The following SLC30A6 variants were observed in gnomAD, a reference collection of about 807,000 sequenced individuals.
The protein encoded by SLC30A6 is solute carrier family 30 member 6.
A neutral mutation model predicts 63.0 loss-of-function variants in SLC30A6; 55 were observed. The ratio of observed to expected loss-of-function variants is 0.87; its 90% CI spans 0.70 to 1.09. SLC30A6 has a LOEUF of 1.09. Ranked by LOEUF, SLC30A6 falls within the 50% of genes least tolerant of loss-of-function variation. The probability of loss-of-function intolerance (pLI) is 0.00; values close to 1 mark genes in which losing one functional copy is unlikely to be tolerated. For missense variants in SLC30A6, 587 were observed against 549.2 expected, an observed-to-expected ratio of 1.07 and a Z score of -0.69; for synonymous variants, 224 against 186.1, an observed-to-expected ratio of 1.20 and a Z score of -1.66.
At chr2:32,169,456 C>T (rs1449257218) in intron 1 of SLC30A6, among the ~76,000 whole-genome samples, 1 of 152,114 alleles carries the variant, frequency 6.6e-6, no homozygotes, top group Non-Finnish European at 1.5e-5. Flanking sequence ...GAATTACAGG[C>T]ATGAGCCACC....
At chr2:32,203,195 T>C in intron 10 of SLC30A6, 2 of 1,167,378 alleles carry the variant, frequency 1.7e-6, no homozygotes, top group Non-Finnish European at 2.6e-6. Context: ...ATGGTTCTCC[T>C]CCTCAGGATG....
chr2:32,178,722 G>A (rs990446489), intron 4 of SLC30A6, among the ~76,000 whole-genome samples: 7 of 152,172 alleles, frequency 4.6e-5, no homozygotes, highest in Non-Finnish European at 8.8e-5. Context: ...CTGTAACTGT[G>A]AATGTTTATT....
Position 32,211,930 on chromosome 2 carries a change from G to A in SLC30A6, c.885+2369G>A, listed in dbSNP as rs1191329495. 2.8e-4 allele frequency among the ~76,000 whole-genome samples: 42 copies of A among 152,012 alleles called. 1 individual carries two copies. The highest frequency in any genetic ancestry group is 2.6e-3 in the Admixed American group (39 of 15,246). ...CTACTGCGCTCGGCCCACAGTGCAC[G>A]CTTTTGATAATGCTGTTTCAAAAAT... On this transcript the variant is annotated intron_variant, in intron 13 of 13. Transcript: ENST00000282587.
intron 10 of SLC30A6, among the ~76,000 whole-genome samples, chr2:32,200,834 G>GAA (rs59434197): frequency 0.014 from 2,110 of 149,338 alleles, 19 homozygotes; most frequent in South Asian, 0.026. Flanking sequence ...GATCAATAAA[G>GAA]AAAAAAATAA....
At chr2:32,209,617 T>A in intron 13 of SLC30A6, 56 bp downstream of exon 13, 1 of 1,419,546 alleles carries the variant, frequency 7.0e-7, no homozygotes, top group Non-Finnish European at 9.7e-7. Context: ...CTTCCATTTT[T>A]AAAACTGAAA....
At chr2:32,199,641 TTTTA>T (rs1409063602) in intron 10 of SLC30A6, among the ~76,000 whole-genome samples, 1 of 152,158 alleles carries the variant, frequency 6.6e-6, no homozygotes, top group Non-Finnish European at 1.5e-5. Flanking sequence ...AAATAGTAGA[TTTTA>T]TTTATTCTAA....
intron 10 of SLC30A6, among the ~76,000 whole-genome samples, chr2:32,199,485 C>A (rs1198102551): frequency 6.6e-6 from 1 of 152,174 alleles, no homozygotes; most frequent in East Asian, 1.9e-4. Flanking sequence ...TTGATACAGG[C>A]ATACAGTGCA....
At chr2:32,192,482 G>A (rs141105971) in intron 6 of SLC30A6, 66 bp downstream of exon 6, 17 of 1,388,848 alleles carry the variant, frequency 1.2e-5, no homozygotes, top group South Asian at 4.9e-5. Flanking sequence ...AAAGAAACCC[G>A]TCAGACACAT....
Position 32,165,874 on chromosome 2 carries a change from C to G in SLC30A6, c.-27C>G, listed in dbSNP as rs764612536. On this transcript the variant is annotated 5_prime_UTR_variant, in exon 1 of 14. Transcript: ENST00000282587. The stretch of plus-strand genomic sequence containing the variant: ...AAAACTCGAGCACCCAGAACGGCTT[C>G]CGGCGGGAGCTGTGCAGCTCCTTAT... The G allele has an allele frequency of 3.1e-6, 5 of 1,613,522 alleles. No homozygotes were observed. Among genetic ancestry groups the G allele is most frequent in the Non-Finnish European group, 4.2e-6 (5 of 1,179,856 alleles).
chr2:32,207,692 A>ATTTTTT (rs34666891), intron 12 of SLC30A6, among the ~76,000 whole-genome samples: 1 of 54,440 alleles, frequency 1.8e-5, no homozygotes, highest in African/African-American at 7.9e-5. Flanking sequence ...TAACTTCTGT[A>ATTTTTT]TTTTTTTTTT....
chr2:32,187,719 A>G (rs192835734), intron 5 of SLC30A6, among the ~76,000 whole-genome samples: 86 of 152,298 alleles, frequency 5.6e-4, no homozygotes, highest in Admixed American at 2.2e-3. Flanking sequence ...TCAAAAACCT[A>G]TTCCTTTGTA....
chr2:32,206,747 C>T, intron 11 of SLC30A6, 139 bp from the exon 12 acceptor site: 2 of 601,524 alleles, frequency 3.3e-6, no homozygotes, highest in South Asian at 2.3e-5. Flanking sequence ...CAGTTGAAAC[C>T]TCTCTTCTCT....
At position 32,221,969 on chromosome 2, in the gene SLC30A6, T is replaced by G. The variant is rs146738330; in HGVS notation, c.*1256T>G. ...GGAGTTCCATACATAATATGGAATT[T>G]GATGTCTTTTCAAGTTGCACAAAGA... On this transcript the variant is annotated 3_prime_UTR_variant, in exon 14 of 14. Transcript: ENST00000282587. The G allele has an allele frequency of 6.6e-6, 1 of 152,188 alleles. No homozygotes were observed. Among genetic ancestry groups the G allele is most frequent in the East Asian group, 1.9e-4 (1 of 5,204 alleles). The allele number at this position is 152,188 out of a possible 1,614,324, so 9.4% of individuals were successfully genotyped here. A position where few individuals can be genotyped will look rare whatever the true frequency, so the allele number is the denominator to read the frequency against.
At chr2:32,176,262 C>T (rs896968822) in intron 4 of SLC30A6, among the ~76,000 whole-genome samples, 2 of 152,170 alleles carry the variant, frequency 1.3e-5, no homozygotes, top group African/African-American at 2.4e-5. Context: ...TAAAATTACT[C>T]TGAGATGCTG....
At position 32,197,360 on chromosome 2, in the gene SLC30A6, G is replaced by C. The variant is rs1386191273; in HGVS notation, c.513G>C (p.Trp171Cys). 2.5e-6 allele frequency: 4 copies of C among 1,613,586 alleles called. No homozygotes were observed. In the African/African-American group the frequency reaches 5.3e-5, roughly 22 times the overall value. Residue 171 changes from tryptophan (W) to cysteine (C), a missense_variant, in exon 9 of 14, where the codon TGG becomes TGC. By Grantham distance (215) the Trp-to-Cys change is radical. Coordinates refer to ENST00000282587, the MANE Select transcript of SLC30A6 (RefSeq NM_017964.5). ...TTCTTAAAGCTGCTAGTACGAGCTG[G>C]CTTCAAGAGCATGTTGCAGATCTTA... ...AYVSEAASTS[W>C]LQEHVADLSR...
At chr2:32,180,492 G>A (rs1014175709) in intron 4 of SLC30A6, among the ~76,000 whole-genome samples, 21 of 152,002 alleles carry the variant, frequency 1.4e-4, no homozygotes, top group East Asian at 9.7e-4. Flanking sequence ...ACAGTGGCAC[G>A]ATCTTGGCTC....
chr2:32,173,191 C>T (rs1681388545), intron 2 of SLC30A6, among the ~76,000 whole-genome samples: 1 of 152,164 alleles, frequency 6.6e-6, no homozygotes, highest in East Asian at 1.9e-4. Context: ...AAAGAATTAT[C>T]AGTACATTGT....
intron 11 of SLC30A6, among the ~76,000 whole-genome samples, chr2:32,205,659 CTTCTTTT>C (rs1684695022): frequency 2.0e-5 from 2 of 97,702 alleles, no homozygotes. Flanking sequence ...AAGAATGTTA[CTTCTTTT>C]TTTTTTTTTT....
intron 8 of SLC30A6, 67 bp from the exon 9 acceptor site, chr2:32,197,277 C>T (rs1320537273): frequency 5.0e-6 from 7 of 1,393,444 alleles, no homozygotes; most frequent in Non-Finnish European, 4.9e-6. Context: ...AATTAAAGAA[C>T]TCAAATATTT....
Sources: gnomAD v4.1 joint callset for allele counts (sites outside exome capture counted in the v4.1 genomes callset) on GRCh38, gnomAD v4.1.1 for gene constraint, MANE v1.5 for transcripts, NCBI Gene and HGNC (gene_info 2026-07-23, HGNC 2026-07-21) for gene names.